LYRM4: variants seen among roughly 807,000 people sequenced by gnomAD.
The protein encoded by LYRM4 is LYR motif containing 4.
Under a neutral mutation model 11.7 loss-of-function variants are expected in LYRM4, and 9 were observed. The ratio of observed to expected loss-of-function variants is 0.77; its 90% CI spans 0.46 to 1.34. The LOEUF (loss-of-function observed/expected upper bound fraction) is 1.34, where lower values mean the gene tolerates loss of function less well. LYRM4 is among the 40% of genes most tolerant of loss of function. LYRM4 has a pLI of 0.00. For synonymous variants in LYRM4, 42 were observed against 40.4 expected (o/e 1.04, Z -0.15); for missense variants, 133 against 112.5 (o/e 1.18, Z -0.82).
At chr6:5,063,282 G>A in the LYRM4 span, among the ~76,000 whole-genome samples, 1 of 151,930 alleles carries the variant, frequency 6.6e-6, no homozygotes, top group Non-Finnish European at 1.5e-5. Flanking sequence ...TCTGTGCACC[G>A]AGACCTGGCT....
the LYRM4 span, among the ~76,000 whole-genome samples, chr6:5,062,125 C>T: frequency 7.3e-6 from 1 of 137,914 alleles, no homozygotes; most frequent in Non-Finnish European, 1.5e-5. Flanking sequence ...CGCTCTGTTG[C>T]CCAGGCTAGT....
intron 1 of LYRM4, among the ~76,000 whole-genome samples, chr6:5,224,726 G>A (rs535644747): frequency 2.0e-5 from 3 of 152,270 alleles, no homozygotes; most frequent in East Asian, 3.9e-4. Context: ...CTGGGAGGCC[G>A]AGGTGGGTGG....
intron 1 of LYRM4, among the ~76,000 whole-genome samples, chr6:5,222,113 G>A (rs937933810): frequency 6.6e-6 from 1 of 152,208 alleles, no homozygotes; most frequent in East Asian, 1.9e-4. Context: ...TTCTGATAAT[G>A]TGAGCTCCTG....
Position 5,146,373 on chromosome 6 carries a change from G to T in LYRM4, c.208-36882C>A, listed in dbSNP as rs914931921. ...TGCTCGCATGTTATCTTCTGAGGGGGTATTGTTACCTTCATTTTTTTTATT... is the reference window on the plus strand; with the variant it reads ...TGCTCGCATGTTATCTTCTGAGGGGTTATTGTTACCTTCATTTTTTTTATT... On this transcript the variant is annotated intron_variant, in intron 2 of 2. Transcript: ENST00000330636. Among the ~76,000 whole-genome samples the T allele has an allele frequency of 5.3e-5, 8 of 152,274 alleles. 1 individual carries two copies. The South Asian group carries it at 1.5e-3, about 28-fold the overall frequency.
chr6:5,071,578 ATATGTG>A, the LYRM4 span, among the ~76,000 whole-genome samples: 123 of 151,822 alleles, frequency 8.1e-4, 2 homozygotes, highest in African/African-American at 2.7e-3. Context: ...ATATGTATAT[ATATGTG>A]TATGTGTATG....
At chr6:5,038,011 GGGT>G in the LYRM4 span, among the ~76,000 whole-genome samples, 1 of 58,212 alleles carries the variant, frequency 1.7e-5, no homozygotes, top group Non-Finnish European at 4.1e-5. Flanking sequence ...TTCCCAGACG[GGGT>G]GGCTGCCGGA....
At chr6:5,224,355 C>T (rs1762757220) in intron 1 of LYRM4, among the ~76,000 whole-genome samples, 1 of 152,126 alleles carries the variant, frequency 6.6e-6, no homozygotes, top group Non-Finnish European at 1.5e-5. Context: ...TTAAATGAGG[C>T]ATCATTTTGT....
At chr6:5,240,402 T>G (rs951729109) in intron 1 of LYRM4, 1 of 152,210 alleles carries the variant, frequency 6.6e-6, no homozygotes, top group African/African-American at 2.4e-5. Context: ...GTGATAATAT[T>G]ACCTTAGGAT....
intron 1 of LYRM4, among the ~76,000 whole-genome samples, chr6:5,239,467 T>C (rs1763740505): frequency 6.6e-6 from 1 of 151,796 alleles, no homozygotes; most frequent in South Asian, 2.1e-4. Context: ...GCACACAAGG[T>C]TGGAGCCATG....
chr6:5,139,193 C>T lies in LYRM4; in HGVS notation c.208-29702G>A, dbSNP rs368745598. On this transcript the variant is annotated intron_variant, in intron 2 of 2. Coordinates refer to ENST00000330636, the MANE Select transcript of LYRM4 (RefSeq NM_020408.6). ...GTTCTGAATGACAATAGCTGGTGAG[C>T]GGCAGGGCAAAGCAGGCCTGCCAGC... Among the ~76,000 whole-genome samples, 19 of 152,320 alleles carry T rather than the reference C, an allele frequency of 1.2e-4. No homozygotes were observed. The South Asian group carries it at 3.5e-3, about 28-fold the overall frequency.
chr6:5,058,051 C>G, the LYRM4 span, among the ~76,000 whole-genome samples: 1 of 152,182 alleles, frequency 6.6e-6, no homozygotes, highest in African/African-American at 2.4e-5. Context: ...CACACCCTGC[C>G]TCTATTCAGT....
chr6:5,260,766 T>C lies in LYRM4; in HGVS notation c.-33A>G. On this transcript the variant is annotated 5_prime_UTR_variant, in exon 1 of 3. Transcript: ENST00000330636. ...AGAAAAAAAAATAAACGGGTCCTCT[T>C]CGCCGAGGTCCCAAGTACGACCCAA... 3.3e-6 allele frequency: 5 copies of C among 1,538,420 alleles called. No homozygotes were observed. The highest frequency in any genetic ancestry group is 4.4e-6 in the Non-Finnish European group (5 of 1,146,488).
intron 2 of LYRM4, among the ~76,000 whole-genome samples, chr6:5,141,035 T>C (rs1275159898): frequency 6.6e-6 from 1 of 152,268 alleles, no homozygotes; most frequent in Admixed American, 6.5e-5. Context: ...CTTATGGTTA[T>C]AATTATTCTG....
chr6:5,070,948 T>C, the LYRM4 span, among the ~76,000 whole-genome samples: 9 of 151,708 alleles, frequency 5.9e-5, no homozygotes, highest in Admixed American at 5.3e-4. Flanking sequence ...TAACAGCACT[T>C]TAAGAGGCTG....
At chr6:5,059,987 G>T in the LYRM4 span, among the ~76,000 whole-genome samples, 603 of 152,232 alleles carry the variant, frequency 4.0e-3, 1 homozygote, top group Non-Finnish European at 6.8e-3. Context: ...TTTGTCAGTT[G>T]ATTTTCAGCC....
the LYRM4 span, among the ~76,000 whole-genome samples, chr6:5,039,752 T>TGAAA: frequency 6.6e-6 from 1 of 151,884 alleles, no homozygotes; most frequent in East Asian, 1.9e-4. Context: ...AAATTGAAAA[T>TGAAA]CTGATCTAAA....
chr6:5,055,257 G>A, the LYRM4 span, among the ~76,000 whole-genome samples: 12 of 152,166 alleles, frequency 7.9e-5, no homozygotes, highest in Non-Finnish European at 1.6e-4. The surrounding 1 kb of genome is among the most constrained non-coding windows in gnomAD (Gnocchi z 4.5). Context: ...CTCCCTAGAA[G>A]GTATAAAACC....
At chr6:5,177,373 G>A (rs1759780778) in intron 2 of LYRM4, among the ~76,000 whole-genome samples, 2 of 152,182 alleles carry the variant, frequency 1.3e-5, no homozygotes, top group African/African-American at 2.4e-5. Flanking sequence ...CATTTTAATC[G>A]CTTGGAACTC....
At chr6:5,183,726 C>A (rs1393312975) in intron 2 of LYRM4, among the ~76,000 whole-genome samples, 1 of 152,036 alleles carries the variant, frequency 6.6e-6, no homozygotes, top group East Asian at 1.9e-4. Context: ...AATTATGTGA[C>A]TAGAAATAAA....
Sources: allele counts gnomAD v4.1 joint callset (sites outside exome capture counted in the v4.1 genomes callset), GRCh38; gene constraint gnomAD v4.1.1; non-coding constraint Gnocchi (gnomAD v3.1); transcripts MANE v1.5; gene names NCBI Gene and HGNC (gene_info 2026-07-23, HGNC 2026-07-21).